DNAH17: variants seen among roughly 807,000 people sequenced by gnomAD.
DNAH17 encodes dynein axonemal heavy chain 17.
DNAH17 carries 376 observed loss-of-function variants against 485.6 expected under a neutral mutation model. The ratio of observed to expected loss-of-function variants is 0.77; its 90% CI spans 0.71 to 0.84. The LOEUF is 0.84. DNAH17 is among the 40% of genes least tolerant of loss of function. The pLI is 0.00. For synonymous variants in DNAH17, 3,031 were observed against 2,405.9 expected (o/e 1.26, Z -7.60); for missense variants, 6,370 against 5,839.3 (o/e 1.09, Z -2.96).
intron 63 of DNAH17, 36 bp from the exon 64 acceptor site, chr17:78,454,741 T>G: frequency 1.3e-6 from 2 of 1,548,944 alleles, no homozygotes; most frequent in African/African-American, 1.4e-5. Context: ...GAGGGGGTAA[T>G]GCGACCTTAT....
chr17:78,510,930 AAG>A (rs1311482754), intron 26 of DNAH17, among the ~76,000 whole-genome samples: 2 of 152,218 alleles, frequency 1.3e-5, no homozygotes, highest in African/African-American at 4.8e-5. Context: ...GCACACAGGA[AAG>A]AGGGCCTTGT....
intron 17 of DNAH17, among the ~76,000 whole-genome samples, chr17:78,540,142 A>AG (rs774653966): frequency 1.3e-5 from 2 of 151,786 alleles, no homozygotes; most frequent in South Asian, 2.1e-4. Flanking sequence ...CTCCATCTCT[A>AG]GTTGGGTTTC....
chr17:78,428,569 CTT>C lies in DNAH17; in HGVS notation c.12542_12543del (p.Lys4181ArgfsTer35). On this transcript the variant is annotated frameshift_variant, in exon 77 of 81. Coordinates refer to ENST00000389840, the MANE Select transcript of DNAH17 (RefSeq NM_173628.4). LOFTEE classifies it high-confidence loss of function. ...LFRTVLEMQP[K>X]ETDSGAGTGV... ...CCCGTGCCTGCCCCCGAGTCCGTCT[CTT>C]TTGGCTGCATTTCCAGGACAGTGCG... is the stretch of plus-strand genomic sequence containing the variant. The C allele has an allele frequency of 6.2e-7, 1 of 1,613,912 alleles. No homozygotes were observed. Among genetic ancestry groups the C allele is most frequent in the Admixed American group, 1.7e-5 (1 of 59,988 alleles).
rs777598954 is a variant in DNAH17, at chr17:78,452,075, C to T, written c.10530-402G>A. The stretch of plus-strand genomic sequence containing the variant: ...ATCCACTGTGGGGGGCGCTTCTCTC[C>T]GGCTCTACACCCTGCTGTCCCCTCT... On this transcript the variant is annotated intron_variant, in intron 65 of 80. Transcript: ENST00000389840. 6.7e-5 allele frequency among the ~76,000 whole-genome samples: 10 copies of T among 148,808 alleles called. No homozygotes were observed. The South Asian group carries it at 1.1e-3, about 16-fold the overall frequency.
intron 20 of DNAH17, among the ~76,000 whole-genome samples, chr17:78,530,839 T>C (rs1408208649): frequency 1.3e-5 from 2 of 152,164 alleles, no homozygotes; most frequent in Non-Finnish European, 2.9e-5. Flanking sequence ...AGGGCATCCC[T>C]AGCTCATCCT....
chr17:78,506,135 AGTTAAT>A (rs1273555634), intron 30 of DNAH17, among the ~76,000 whole-genome samples: 1 of 76,512 alleles, frequency 1.3e-5, no homozygotes, highest in Non-Finnish European at 2.5e-5. Context: ...CCCTTCACCT[AGTTAAT>A]TTTTTTTTTT....
At chr17:78,500,654 G>A (rs983078667) in intron 35 of DNAH17, 193 bp from the exon 36 acceptor site, 28 of 451,654 alleles carry the variant, frequency 6.2e-5, no homozygotes, top group African/African-American at 1.0e-4. Flanking sequence ...GACTATAGGC[G>A]CCCGCCACCA....
At chr17:78,521,657 A>AT (rs956555933) in intron 25 of DNAH17, among the ~76,000 whole-genome samples, 44 of 152,250 alleles carry the variant, frequency 2.9e-4, no homozygotes, top group African/African-American at 1.1e-3. Flanking sequence ...GATAAAATGG[A>AT]TTATACCCAA....
In DNAH17 at chr17:78,444,575, C is replaced by T. The variant is rs139390047; in HGVS notation, c.11528+29G>A. On this transcript the variant is annotated intron_variant, in intron 71 of 80. Transcript: ENST00000389840. The stretch of plus-strand genomic sequence containing the variant: ...TTCCATCAGGCCTGGGCCTCGGGGG[C>T]GGGGCCCCCGGCGCGGCGGGACACT... 2.3e-3 allele frequency: 3,480 copies of T among 1,526,096 alleles called. 13 individuals carry two copies. The highest frequency in any genetic ancestry group is 0.012 in the Middle Eastern group (67 of 5,502). 94.5% of individuals were successfully genotyped at this position (1,526,096 alleles called of 1,614,324 possible).
chr17:78,540,596 GTGAA>G (rs1307857488), intron 17 of DNAH17, among the ~76,000 whole-genome samples: 1 of 131,410 alleles, frequency 7.6e-6, no homozygotes, highest in Non-Finnish European at 1.6e-5. Flanking sequence ...AGTGGGGTGG[GTGAA>G]TGAATAGATG....
intron 17 of DNAH17, among the ~76,000 whole-genome samples, chr17:78,541,956 C>T (rs1568225551): frequency 6.6e-6 from 1 of 152,036 alleles, no homozygotes; most frequent in Non-Finnish European, 1.5e-5. Context: ...GACTCTGGTT[C>T]AGTCAAGTCA....
At chr17:78,539,703 T>C (rs984484828) in intron 18 of DNAH17, 34 bp downstream of exon 18, 4 of 1,510,994 alleles carry the variant, frequency 2.6e-6, no homozygotes, top group Admixed American at 2.1e-5. Flanking sequence ...AGAATACATA[T>C]ACATAAATAT....
intron 15 of DNAH17, 30 bp from the exon 16 acceptor site, chr17:78,551,668 A>G: frequency 3.1e-6 from 5 of 1,609,406 alleles, no homozygotes; most frequent in Non-Finnish European, 4.3e-6. Flanking sequence ...GAATCTTACA[A>G]AATGAACAAT....
intron 27 of DNAH17, 91 bp from the exon 28 acceptor site, chr17:78,507,896 C>T: frequency 8.0e-7 from 1 of 1,242,874 alleles, no homozygotes; most frequent in Non-Finnish European, 1.1e-6. Context: ...GACTGAAGCT[C>T]CATGATCAGA....
chr17:78,525,425 T>C (rs953263660), intron 24 of DNAH17, among the ~76,000 whole-genome samples: 1 of 152,252 alleles, frequency 6.6e-6, no homozygotes, highest in African/African-American at 2.4e-5. Context: ...GGTAAATGCC[T>C]CATTTCCTCC....
rs1016391838 is a variant in DNAH17 at position 78,479,355 on chromosome 17, T to C, written c.7900+130A>G. ...TTTCACAATTTCTCCTGTCGAAACA[T>C]AGCATCGTTTTTAAGATATTGATTT... On this transcript the variant is annotated intron_variant, in intron 50 of 80. Transcript: ENST00000389840. 39 of 1,252,988 alleles carry C rather than the reference T, an allele frequency of 3.1e-5. No individual in the cohort carries two copies. The African/African-American group carries it at 4.7e-4, about 15-fold the overall frequency. The allele number at this position is 1,252,988 out of a possible 1,614,324, so 77.6% of individuals were successfully genotyped here.
chr17:78,545,564 C>T (rs541990749), intron 16 of DNAH17, among the ~76,000 whole-genome samples: 17 of 152,260 alleles, frequency 1.1e-4, no homozygotes, highest in Non-Finnish European at 2.1e-4. Context: ...GCACGAATCT[C>T]CTTCGTGATG....
chr17:78,459,251 C>G lies in DNAH17; in HGVS notation c.9654-43G>C, dbSNP rs375438067. 8.0e-5 allele frequency: 127 copies of G among 1,587,020 alleles called. No individual in the cohort carries two copies. In the African/African-American group the frequency reaches 1.5e-3, roughly 19 times the overall value. ...GGGCCGGAGTCGTCACCCTGTCCTG[C>G]TCTGGCAAAACGGGCCCAGAGAAGC... On this transcript the variant is annotated intron_variant, in intron 60 of 80. Transcript: ENST00000389840.
intron 49 of DNAH17, 23 bp downstream of exon 49, chr17:78,480,661 G>C (rs562339334): frequency 1.5e-5 from 24 of 1,594,384 alleles, no homozygotes; most frequent in Non-Finnish European, 1.9e-5. Context: ...CAGGTGACGG[G>C]GATGAGTATG....
Sources: gnomAD v4.1 joint callset for allele counts (sites outside exome capture counted in the v4.1 genomes callset) on GRCh38, gnomAD v4.1.1 for gene constraint, MANE v1.5 for transcripts, NCBI Gene and HGNC (gene_info 2026-07-23, HGNC 2026-07-21) for gene names.